The following ZFAND6 variants were observed in gnomAD, a reference collection of about 807,000 sequenced individuals.
ZFAND6 encodes the protein zinc finger AN1-type containing 6.
ZFAND6 carries 12 observed loss-of-function variants against 24.5 expected under a neutral mutation model. The observed-to-expected ratio is 0.49, with a 90% CI of 0.31 to 0.79. The LOEUF (loss-of-function observed/expected upper bound fraction) is 0.79. Ranked by LOEUF, ZFAND6 falls within the 30% of genes least tolerant of loss-of-function variation. The probability of loss-of-function intolerance (pLI) is 0.04; values close to 1 mark genes in which losing one functional copy is unlikely to be tolerated. For synonymous variants in ZFAND6, 92 were observed against 81.5 expected, an observed-to-expected ratio of 1.13 and a Z score of -0.69; for missense variants, 207 against 245.9, an observed-to-expected ratio of 0.84 and a Z score of 1.06.
At chr15:80,078,224 C>T (rs1362799625) in intron 1 of ZFAND6, among the ~76,000 whole-genome samples, 1 of 152,164 alleles carries the variant, frequency 6.6e-6, no homozygotes, top group African/African-American at 2.4e-5. Flanking sequence ...GCCCTTTCCT[C>T]TAATTGTCTC....
intron 3 of ZFAND6, 72 bp downstream of exon 3, chr15:80,120,570 C>T: frequency 2.4e-6 from 3 of 1,247,684 alleles, no homozygotes; most frequent in Non-Finnish European, 3.2e-6. Flanking sequence ...ATACCCAATA[C>T]CTTTTTCTGC....
chr15:80,094,863 C>G (rs1030778674), intron 1 of ZFAND6, among the ~76,000 whole-genome samples: 1 of 151,998 alleles, frequency 6.6e-6, no homozygotes, highest in Non-Finnish European at 1.5e-5. Flanking sequence ...CAACCTCTGC[C>G]TCCCAGGTTC....
chr15:80,077,855 A>G (rs2037385736), intron 1 of ZFAND6, among the ~76,000 whole-genome samples: 1 of 151,462 alleles, frequency 6.6e-6, no homozygotes. Context: ...GTCTGCCACC[A>G]CGCCCGGCTA....
chr15:80,107,105 G>T (rs1228028352), intron 2 of ZFAND6, among the ~76,000 whole-genome samples: 1 of 152,042 alleles, frequency 6.6e-6, no homozygotes, highest in African/African-American at 2.4e-5. Context: ...ATCTCAGCTA[G>T]TCGGGAGGCT....
At chr15:80,088,910 C>T (rs887784492) in intron 1 of ZFAND6, among the ~76,000 whole-genome samples, 3 of 152,112 alleles carry the variant, frequency 2.0e-5, no homozygotes, top group African/African-American at 7.2e-5. Flanking sequence ...TCTAGATTCC[C>T]TTCTTTCCCA....
At chr15:80,086,895 G>A (rs989989438) in intron 1 of ZFAND6, among the ~76,000 whole-genome samples, 1 of 152,190 alleles carries the variant, frequency 6.6e-6, no homozygotes, top group Non-Finnish European at 1.5e-5. Flanking sequence ...AGTATTTCAC[G>A]TAAGTGGAAT....
rs202189713 is a variant in ZFAND6 at position 80,137,477 on chromosome 15, C to T, written c.479-3C>T. 2.5e-6 allele frequency: 4 copies of T among 1,598,912 alleles called. No individual in the cohort carries two copies. In the Admixed American group the frequency reaches 7.2e-5, roughly 29 times the overall value. On this transcript the variant is annotated splice_polypyrimidine_tract_variant and splice_region_variant and intron_variant, in intron 6 of 6. Coordinates refer to ENST00000261749, the MANE Select transcript of ZFAND6 (RefSeq NM_019006.4). Reference sequence around the variant, plus strand: ...TCATGTATGTGTATTACTCCATTTCCAGGGTTTGAATGCCGGTGTGGAAAT... The same window carrying T: ...TCATGTATGTGTATTACTCCATTTCTAGGGTTTGAATGCCGGTGTGGAAAT...
chr15:80,104,405 G>C (rs2039203925), intron 2 of ZFAND6, among the ~76,000 whole-genome samples: 1 of 152,176 alleles, frequency 6.6e-6, no homozygotes. Flanking sequence ...TGTAATCCCA[G>C]CTACTTGGGA....
chr15:80,094,463 C>T (rs923881543), intron 1 of ZFAND6, among the ~76,000 whole-genome samples: 1 of 150,694 alleles, frequency 6.6e-6, no homozygotes, highest in African/African-American at 2.5e-5. Context: ...AATCATCCCG[C>T]CCACCCCTAC....
At chr15:80,121,622 T>G in intron 3 of ZFAND6, 90 bp from the exon 4 acceptor site, 1 of 1,067,068 alleles carries the variant, frequency 9.4e-7, no homozygotes. Flanking sequence ...TATACTGTGT[T>G]CTGTGGAAAA....
At chr15:80,123,891 T>G (rs2040256944) in intron 5 of ZFAND6, among the ~76,000 whole-genome samples, 1 of 152,088 alleles carries the variant, frequency 6.6e-6, no homozygotes, top group African/African-American at 2.4e-5. Context: ...TCTCAAGAAT[T>G]AAATAAACAA....
intron 1 of ZFAND6, among the ~76,000 whole-genome samples, chr15:80,084,720 C>T (rs1276523353): frequency 6.6e-6 from 1 of 152,168 alleles, no homozygotes; most frequent in Admixed American, 6.5e-5. Context: ...ATTTTCTCTT[C>T]AAGTCATTGA....
chr15:80,059,433 G>T (rs959989884), upstream of ZFAND6: 1 of 152,264 alleles, frequency 6.6e-6, no homozygotes, highest in Non-Finnish European at 1.5e-5. Context: ...GGACACTGGA[G>T]GTGCAGAAGG....
chr15:80,069,387 G>T (rs988066689), intron 1 of ZFAND6, among the ~76,000 whole-genome samples: 2 of 152,012 alleles, frequency 1.3e-5, no homozygotes, highest in South Asian at 2.1e-4. Context: ...GCAATGTACT[G>T]TTTTTTTGTA....
chr15:80,137,528 C>T lies in ZFAND6; in HGVS notation c.527C>T (p.Ser176Leu). 6.2e-7 allele frequency: 1 copy of T among 1,606,772 alleles called. No individual in the cohort carries two copies. Among genetic ancestry groups the T allele is most frequent in the Non-Finnish European group, 8.5e-7 (1 of 1,178,048 alleles). The part of the protein sequence containing the change: ...GNVYCGVHRY[S>L]DVHNCSYNYK... ...GTTTACTGTGGTGTACACCGTTACTCAGATGTACACAATTGCTCTTACAAT... is the reference window on the plus strand; with the variant it reads ...GTTTACTGTGGTGTACACCGTTACTTAGATGTACACAATTGCTCTTACAAT... Residue 176 changes from serine to leucine, a missense_variant, in exon 7 of 7, where the codon TCA (serine) becomes TTA (leucine). This residue lies in a region of ZFAND6 where 45 missense variants were observed against 67.7 expected (regional missense o/e 0.66). Coordinates refer to ENST00000261749, the MANE Select transcript of ZFAND6 (RefSeq NM_019006.4).
chr15:80,111,302 G>A, intron 2 of ZFAND6: 1 of 333,518 alleles, frequency 3.0e-6, no homozygotes, highest in South Asian at 2.4e-5. Flanking sequence ...CTCAGTATCT[G>A]CAGGTATTGG....
At chr15:80,060,929 C>G (rs964104173) in intron 1 of ZFAND6, among the ~76,000 whole-genome samples, 6 of 152,108 alleles carry the variant, frequency 3.9e-5, no homozygotes, top group African/African-American at 1.4e-4. Context: ...CAAAAAAAAG[C>G]CGGGCAGAAT....
At chr15:80,104,683 C>T (rs1436249744) in intron 2 of ZFAND6, among the ~76,000 whole-genome samples, 1 of 152,100 alleles carries the variant, frequency 6.6e-6, no homozygotes, top group African/African-American at 2.4e-5. Flanking sequence ...TTGTACTTTT[C>T]TTGAGTCGCT....
At chr15:80,088,534 C>A (rs1198339798) in intron 1 of ZFAND6, among the ~76,000 whole-genome samples, 3 of 152,182 alleles carry the variant, frequency 2.0e-5, no homozygotes, top group Non-Finnish European at 4.4e-5. Context: ...CCACTGCACT[C>A]CAGCCTGGGC....
Sources: gnomAD v4.1 joint callset for allele counts (sites outside exome capture counted in the v4.1 genomes callset) on GRCh38, gnomAD v4.1.1 for gene constraint, gnomAD v4.1.1 regional missense constraint, MANE v1.5 for transcripts, NCBI Gene and HGNC (gene_info 2026-07-23, HGNC 2026-07-21) for gene names.